Variants in DIS3 observed in about 807,000 individuals in gnomAD.
DIS3 encodes DIS3 exosome endoribonuclease and 3'-5' exoribonuclease.
DIS3 carries 103 observed loss-of-function variants against 113.0 expected under a neutral mutation model. The ratio of observed to expected loss-of-function variants is 0.91; its 90% CI spans 0.78 to 1.07. DIS3 has a LOEUF of 1.07. DIS3 is among the 50% of genes least tolerant of loss of function. The pLI is 0.00. For missense variants in DIS3, 1,121 were observed against 1,167.1 expected, an observed-to-expected ratio of 0.96 and a Z score of 0.58; for synonymous variants, 402 against 394.3, an observed-to-expected ratio of 1.02 and a Z score of -0.23.
At position 72,761,799 on chromosome 13, in the gene DIS3, A is replaced by G; in HGVS notation, c.2358T>C (p.Ile786=). 6.2e-7 allele frequency: 1 copy of G among 1,613,130 alleles called. No individual in the cohort carries two copies. The highest frequency in any genetic ancestry group is 2.2e-5 in the East Asian group (1 of 44,878). Residue 786 remains isoleucine, a synonymous_variant, in exon 18 of 21, where the codon ATT becomes ATC. Transcript: ENST00000377767. ...TSPIRRYADV[I]VHRLLAVAIG... is the part of the protein sequence containing the mutation. The stretch of plus-strand genomic sequence containing the variant: ...TAGCCACAGCCAAAAGCCGATGAAC[A>G]ATGACATCTGCGTATCTAGATAGAT...
Position 72,760,667 on chromosome 13 carries a change from T to C in DIS3, c.2671-16A>G, listed in dbSNP as rs142922683. 4.4e-6 allele frequency: 7 copies of C among 1,608,956 alleles called. No individual in the cohort carries two copies. In the African/African-American group the frequency reaches 9.4e-5, roughly 22 times the overall value. The stretch of plus-strand genomic sequence containing the variant: ...GTGAGGGTATCTAAACAAAACACAT[T>C]TTATCATTCTTAATTGCTTCCTTAC... On this transcript the variant is annotated splice_polypyrimidine_tract_variant and intron_variant, in intron 19 of 20. Coordinates refer to ENST00000377767, the MANE Select transcript of DIS3 (RefSeq NM_014953.5).
chr13:72,768,927 G>T lies in DIS3; in HGVS notation c.1756-15C>A. 1 of 1,539,086 alleles carries T rather than the reference G, an allele frequency of 6.5e-7. No homozygotes were observed. The highest frequency in any genetic ancestry group is 8.9e-7 in the Non-Finnish European group (1 of 1,121,664). ...GTCAGAGATGCCTAAAAAAGAAAAT[G>T]TATGTTATATAATTCTTATAAATGA... On this transcript the variant is annotated splice_polypyrimidine_tract_variant and intron_variant, in intron 13 of 20. Coordinates refer to ENST00000377767, the MANE Select transcript of DIS3 (RefSeq NM_014953.5).
intron 14 of DIS3, among the ~76,000 whole-genome samples, chr13:72,768,366 G>A (rs530381962): frequency 3.3e-5 from 5 of 152,258 alleles, no homozygotes; most frequent in African/African-American, 9.6e-5. Context: ...AAGGAAGCTA[G>A]AGGCTGGGCA....
At position 72,771,503 on chromosome 13, in the gene DIS3, T is replaced by C. The variant is rs187458958; in HGVS notation, c.1605+292A>G. 1.4e-4 allele frequency among the ~76,000 whole-genome samples: 22 copies of C among 152,160 alleles called. No homozygotes were observed. The East Asian group carries it at 2.9e-3, about 20-fold the overall frequency. Reference sequence around the variant, plus strand: ...CTGGACCTTTCTCCAATGCTTAATATAAACTACAAGGTGTTTTTAAAATAC... The same window carrying C: ...CTGGACCTTTCTCCAATGCTTAATACAAACTACAAGGTGTTTTTAAAATAC... On this transcript the variant is annotated intron_variant, in intron 11 of 20. Transcript: ENST00000377767.
intron 2 of DIS3, among the ~76,000 whole-genome samples, chr13:72,780,162 C>A (rs1445933065): frequency 1.3e-5 from 2 of 151,522 alleles, no homozygotes; most frequent in Non-Finnish European, 2.9e-5. Flanking sequence ...CCTGTCTCTA[C>A]TAAAAATACA....
rs1198726581 is a variant in DIS3 at position 72,758,726 on chromosome 13, A to T, written c.*1069T>A. 1 of 209,268 alleles carries T rather than the reference A, an allele frequency of 4.8e-6. No homozygotes were observed. Among genetic ancestry groups the T allele is most frequent in the East Asian group, 7.2e-5 (1 of 13,938 alleles). The allele number at this position is 209,268 out of a possible 1,614,324, so 13.0% of individuals were successfully genotyped here. A position where few individuals can be genotyped will look rare whatever the true frequency, so the allele number is the denominator to read the frequency against. The stretch of plus-strand genomic sequence containing the variant: ...GTGCCTAAATGACTACCTATTTAGT[A>T]TACCTGCTGATTTACTTGGCAGGCT... On this transcript the variant is annotated 3_prime_UTR_variant, in exon 21 of 21. Transcript: ENST00000377767.
chr13:72,755,163 A>G lies in DIS3; in HGVS notation c.*4632T>C, dbSNP rs1458211700. The G allele has an allele frequency of 1.2e-6, 2 of 1,613,792 alleles. No individual in the cohort carries two copies. The highest frequency in any genetic ancestry group is 1.3e-5 in the African/African-American group (1 of 74,932). ...TTCTTTTTCACAGCAAGACCACACA[A>G]CACAGAGGTGTTGGATGAAAACAGC... On this transcript the variant is annotated 3_prime_UTR_variant, in exon 21 of 21. Coordinates refer to ENST00000377767, the MANE Select transcript of DIS3 (RefSeq NM_014953.5).
Position 72,754,568 on chromosome 13 carries a change from T to C in DIS3, c.*5227A>G, listed in dbSNP as rs1180888888. On this transcript the variant is annotated 3_prime_UTR_variant, in exon 21 of 21. Transcript: ENST00000377767. ...GCCACCTTAGTTTTCCTTTCTGTTG[T>C]ATGTAGTAGGAGCAAACTGCCTTTC... 1 of 152,218 alleles carries C rather than the reference T, an allele frequency of 6.6e-6. No individual in the cohort carries two copies. The highest frequency in any genetic ancestry group is 6.5e-5 in the Admixed American group (1 of 15,270). 9.4% of individuals were successfully genotyped at this position (152,218 alleles called of 1,614,324 possible). A position where few individuals can be genotyped will look rare whatever the true frequency, so the allele number is the denominator to read the frequency against.
At chr13:72,767,321 T>G (rs897244166) in intron 14 of DIS3, among the ~76,000 whole-genome samples, 5 of 152,200 alleles carry the variant, frequency 3.3e-5, no homozygotes, top group African/African-American at 9.7e-5. Flanking sequence ...AATTCTTACT[T>G]TAAAACTATT....
intron 1 of DIS3, chr13:72,781,253 G>A: frequency 6.5e-7 from 1 of 1,549,138 alleles, no homozygotes; most frequent in South Asian, 1.2e-5. Flanking sequence ...AAAGGAATAC[G>A]TTGGCCCACA....
chr13:72,765,919 T>C (rs1266687112), intron 15 of DIS3, 53 bp downstream of exon 15: 3 of 1,292,708 alleles, frequency 2.3e-6, no homozygotes, highest in Non-Finnish European at 3.2e-6. Flanking sequence ...ACAGTAGACA[T>C]GACAATTAAA....
chr13:72,777,157 G>A (rs1172166870), intron 4 of DIS3, among the ~76,000 whole-genome samples: 2 of 152,056 alleles, frequency 1.3e-5, no homozygotes, highest in East Asian at 1.9e-4. Context: ...CATGGACTCC[G>A]TTCATTTTTT....
Position 72,771,120 on chromosome 13 carries a change from A to C in DIS3, c.1631T>G (p.Leu544Arg), listed in dbSNP as rs753101594. The change falls in exon 12 of 21, where the codon CTT becomes CGT. Residue 544 changes from leucine (L) to arginine (R), a missense_variant. By Grantham distance (102) the Leu-to-Arg change is moderately radical. Coordinates refer to ENST00000377767, the MANE Select transcript of DIS3 (RefSeq NM_014953.5). ...TTTTAAGGAACACAAGTTAGAGCTA[A>C]GCAACTCTGGAACCATGTCAATCCT... ...EKRIDMVPEL[L>R]SSNLCSLKCD... 1 of 1,613,770 alleles carries C rather than the reference A, an allele frequency of 6.2e-7. No individual in the cohort carries two copies. The highest frequency in any genetic ancestry group is 1.1e-5 in the South Asian group (1 of 91,056).
At chr13:72,775,768 T>C (rs1038991939) in intron 5 of DIS3, among the ~76,000 whole-genome samples, 157 bp downstream of exon 5, 5 of 151,888 alleles carry the variant, frequency 3.3e-5, no homozygotes, top group African/African-American at 1.2e-4. Context: ...ACCTGACAAA[T>C]TGTGAGCACT....
At chr13:72,774,820 C>T (rs771941688) in intron 6 of DIS3, among the ~76,000 whole-genome samples, 10 of 152,020 alleles carry the variant, frequency 6.6e-5, no homozygotes, top group South Asian at 2.1e-4. Context: ...CCCAGAATTA[C>T]GTCTATTATG....
In DIS3 at chr13:72,759,555, G is replaced by A. The variant is rs141709200; in HGVS notation, c.*240C>T. On this transcript the variant is annotated 3_prime_UTR_variant, in exon 21 of 21. Coordinates refer to ENST00000377767, the MANE Select transcript of DIS3 (RefSeq NM_014953.5). ...TCCCTGAAGTTGCTGTCCTGTCACT[G>A]TATTTAAGTGATGGATATTCAATTG... 1 of 406,054 alleles carries A rather than the reference G, an allele frequency of 2.5e-6. No individual in the cohort carries two copies. The highest frequency in any genetic ancestry group is 4.4e-6 in the Non-Finnish European group (1 of 225,384). The allele number at this position is 406,054 out of a possible 1,614,324, so 25.2% of individuals were successfully genotyped here. A position where few individuals can be genotyped will look rare whatever the true frequency, so the allele number is the denominator to read the frequency against.
chr13:72,761,330 C>T (rs183364285), intron 19 of DIS3, 33 bp downstream of exon 19: 22 of 1,565,492 alleles, frequency 1.4e-5, no homozygotes, highest in African/African-American at 9.8e-5. Context: ...AAGTGCCCCC[C>T]GGAAAAGAAA....
intron 13 of DIS3, 67 bp from the exon 14 acceptor site, chr13:72,768,979 CCTA>C: frequency 2.0e-6 from 2 of 1,012,148 alleles, no homozygotes; most frequent in East Asian, 2.6e-5. Context: ...AATATGTCCT[CCTA>C]CTTTCACTAC....
At position 72,771,089 on chromosome 13, in the gene DIS3, G is replaced by A. The variant is rs761298713; in HGVS notation, c.1662C>T (p.Asp554=). The A allele has an allele frequency of 1.9e-6, 3 of 1,613,220 alleles. No individual in the cohort carries two copies. The highest frequency in any genetic ancestry group is 2.2e-5 in the East Asian group (1 of 44,774). ...AAACCATGCAGAAATACCTGTCCACGTCACATTTTAAGGAACACAAGTTAG... is the reference window on the plus strand; with the variant it reads ...AAACCATGCAGAAATACCTGTCCACATCACATTTTAAGGAACACAAGTTAG... ...LSSNLCSLKC[D]VDRLAFSCIW... Residue 554 remains aspartate, a synonymous_variant, in exon 12 of 21, where the codon GAC becomes GAT. Coordinates refer to ENST00000377767, the MANE Select transcript of DIS3 (RefSeq NM_014953.5).
Sources: allele counts gnomAD v4.1 joint callset (sites outside exome capture counted in the v4.1 genomes callset), GRCh38; gene constraint gnomAD v4.1.1; transcripts MANE v1.5; gene names NCBI Gene and HGNC (gene_info 2026-07-23, HGNC 2026-07-21).